The following EDA variants were observed in gnomAD, a reference collection of about 807,000 sequenced individuals.
EDA encodes the protein ectodysplasin-A.
EDA carries 2 observed loss-of-function variants against 23.6 expected under a neutral mutation model. The observed-to-expected ratio is 0.08, with a 90% CI of 0.03 to 0.27. EDA has a LOEUF of 0.27. EDA is among the 10% of genes least tolerant of loss of function. EDA has a pLI of 1.00. For synonymous variants in EDA, 131 were observed against 132.0 expected (o/e 0.99, Z 0.05); for missense variants, 229 against 324.2 (o/e 0.71, Z 2.26).
intron 1 of EDA, among the ~76,000 whole-genome samples, chrX:69,944,610 C>T (rs1202047687): frequency 9.0e-6 from 1 of 111,397 alleles, no homozygotes; most frequent in Non-Finnish European, 1.9e-5. Flanking sequence ...AGGAATCTCT[C>T]CTGGAGCTGT....
intron 1 of EDA, among the ~76,000 whole-genome samples, chrX:69,656,604 G>T (rs1274336667): frequency 1.8e-5 from 2 of 111,277 alleles, no homozygotes; most frequent in Non-Finnish European, 3.8e-5. Context: ...CCATCACTTA[G>T]GTAGCGAGCA....
At chrX:69,726,223 G>A (rs190746738) in intron 1 of EDA, among the ~76,000 whole-genome samples, 3 of 111,968 alleles carry the variant, frequency 2.7e-5, no homozygotes, top group African/African-American at 9.7e-5. Context: ...GCAGAGAGTG[G>A]CAGATACAAT....
chrX:69,981,669 G>A (rs1253789176), intron 2 of EDA, among the ~76,000 whole-genome samples: 1 of 112,028 alleles, frequency 8.9e-6, no homozygotes, highest in African/African-American at 3.2e-5. Flanking sequence ...AGCTTTTTCA[G>A]ACTTACTGAA....
At chrX:69,909,199 G>T (rs983400130) in intron 1 of EDA, among the ~76,000 whole-genome samples, 2 of 110,973 alleles carry the variant, frequency 1.8e-5, no homozygotes, top group Non-Finnish European at 3.8e-5. Flanking sequence ...CCATTTAAAG[G>T]CATATTCAAT....
intron 1 of EDA, among the ~76,000 whole-genome samples, chrX:69,710,912 T>C (rs2011989893): frequency 8.9e-6 from 1 of 111,996 alleles, no homozygotes; most frequent in Admixed American, 9.5e-5. Context: ...TGGGGTTTTC[T>C]AGATATACAA....
At chrX:69,884,496 A>G (rs2017798857) in intron 1 of EDA, among the ~76,000 whole-genome samples, 1 of 112,467 alleles carries the variant, frequency 8.9e-6, no homozygotes, top group Admixed American at 9.4e-5. Context: ...ATTTTTTAGA[A>G]ACGAAGTAAA....
chrX:69,709,646 C>T lies in EDA; in HGVS notation c.396+92942C>T, dbSNP rs541366991. Among the ~76,000 whole-genome samples the T allele has an allele frequency of 2.7e-5, 3 of 111,417 alleles. No individual in the cohort carries two copies. In the South Asian group the frequency reaches 1.1e-3, roughly 42 times the overall value. ...TAGCTCCTAGTGTCCACTGATTTCT[C>T]TTTGCTTTAAACTGTTTTCAGCATT... On this transcript the variant is annotated intron_variant, in intron 1 of 7. Transcript: ENST00000374552.
At chrX:69,649,501 C>T (rs1453542740) in intron 1 of EDA, among the ~76,000 whole-genome samples, 7 of 111,136 alleles carry the variant, frequency 6.3e-5, no homozygotes, top group African/African-American at 2.3e-4. Flanking sequence ...GCAAGCTTCC[C>T]AGTAGAATAA....
intron 1 of EDA, among the ~76,000 whole-genome samples, chrX:69,900,901 C>T (rs977233787): frequency 1.8e-5 from 2 of 111,111 alleles, no homozygotes; most frequent in African/African-American, 6.5e-5. Flanking sequence ...CCTACTAATG[C>T]TGTAATGCTA....
At chrX:69,960,128 T>C (rs1474361685) in intron 2 of EDA, among the ~76,000 whole-genome samples, 1 of 111,597 alleles carries the variant, frequency 9.0e-6, no homozygotes, top group Admixed American at 9.6e-5. Flanking sequence ...CTGGCTGCTG[T>C]ATTGAAAATA....
intron 1 of EDA, among the ~76,000 whole-genome samples, chrX:69,893,960 A>G (rs1342400123): frequency 2.7e-5 from 3 of 111,960 alleles, no homozygotes; most frequent in Non-Finnish European, 5.6e-5. Flanking sequence ...GTTTTTGCAG[A>G]ATTATTCTGA....
intron 1 of EDA, among the ~76,000 whole-genome samples, chrX:69,901,537 A>G (rs1321088327): frequency 2.7e-5 from 3 of 111,713 alleles, no homozygotes; most frequent in African/African-American, 9.8e-5. Flanking sequence ...TTCAGAAAGG[A>G]TGACTTTTCT....
At chrX:69,996,721 C>G (rs1819314) in intron 2 of EDA, among the ~76,000 whole-genome samples, 10,347 of 111,371 alleles carry the variant, frequency 0.093, 1,132 homozygotes, top group African/African-American at 0.32. Flanking sequence ...CTCTGTGTCC[C>G]CACCCAAATC....
At chrX:69,900,893 T>C (rs7055527) in intron 1 of EDA, among the ~76,000 whole-genome samples, 2,742 of 111,344 alleles carry the variant, frequency 0.025, 89 homozygotes, top group African/African-American at 0.085. Flanking sequence ...TCTCTCTCCC[T>C]ACTAATGCTG....
intron 1 of EDA, among the ~76,000 whole-genome samples, chrX:69,663,280 G>A (rs1436870768): frequency 1.8e-5 from 2 of 111,899 alleles, no homozygotes; most frequent in African/African-American, 6.5e-5. Flanking sequence ...TCGTGAGCCT[G>A]GGTCCAGGGA....
At chrX:70,000,428 C>T (rs759370720) in intron 2 of EDA, among the ~76,000 whole-genome samples, 12 of 112,272 alleles carry the variant, frequency 1.1e-4, no homozygotes, top group Non-Finnish European at 2.1e-4. Flanking sequence ...ATCTTGTGTT[C>T]AAACAACATT....
chrX:69,765,672 A>G (rs2014448735), intron 1 of EDA, among the ~76,000 whole-genome samples: 1 of 111,979 alleles, frequency 8.9e-6, no homozygotes, highest in Non-Finnish European at 1.9e-5. Context: ...AGTCTCTTGT[A>G]CCCTTCATTC....
chrX:69,820,061 A>ATTCAGAAATAATACTGAATT (rs1293794584), intron 1 of EDA, among the ~76,000 whole-genome samples: 1 of 111,475 alleles, frequency 9.0e-6, no homozygotes, highest in Non-Finnish European at 1.9e-5. Context: ...GACCAATGGA[A>ATTCAGAAATAATACTGAATT]CAGAATAGGG....
intron 1 of EDA, among the ~76,000 whole-genome samples, chrX:69,647,896 T>A (rs1932973455): frequency 8.9e-6 from 1 of 112,213 alleles, no homozygotes; most frequent in African/African-American, 3.2e-5. Flanking sequence ...GATGTTGTTA[T>A]TGTTGTTGTT....
Sources: gnomAD v4.1 joint callset for allele counts (sites outside exome capture counted in the v4.1 genomes callset) on GRCh38, gnomAD v4.1.1 for gene constraint, MANE v1.5 for transcripts, NCBI Gene and HGNC (gene_info 2026-07-23, HGNC 2026-07-21) for gene names.